Variants in CMIP observed in about 807,000 individuals in gnomAD.
The protein encoded by CMIP is c-Maf inducing protein.
In CMIP, 13 loss-of-function variants were observed where a neutral mutation model predicts 97.3. The ratio of observed to expected loss-of-function variants is 0.13; its 90% CI spans 0.09 to 0.21. CMIP has a LOEUF of 0.21. Ranked by LOEUF, CMIP falls within the 10% of genes least tolerant of loss-of-function variation. The pLI, the probability that CMIP is intolerant of heterozygous loss-of-function variation, is 1.00. For synonymous variants in CMIP, 538 were observed against 436.3 expected (o/e 1.23, Z -2.91); for missense variants, 847 against 1,024.9 (o/e 0.83, Z 2.37).
intron 19 of CMIP, among the ~76,000 whole-genome samples, chr16:81,706,304 C>T (rs1266205657): frequency 6.6e-6 from 1 of 152,132 alleles, no homozygotes; most frequent in Non-Finnish European, 1.5e-5. Flanking sequence ...GGTGTGAAGA[C>T]AGATTTGTGG....
chr16:81,702,162 CAGA>C (rs1380681758), intron 16 of CMIP, among the ~76,000 whole-genome samples: 1 of 152,166 alleles, frequency 6.6e-6, no homozygotes, highest in Non-Finnish European at 1.5e-5. Context: ...CATGTGTACA[CAGA>C]AGGACGGAAG....
chr16:81,573,825 C>T (rs748987176), intron 1 of CMIP, among the ~76,000 whole-genome samples: 1 of 152,194 alleles, frequency 6.6e-6, no homozygotes, highest in Non-Finnish European at 1.5e-5. Context: ...GTGCTTAACG[C>T]ATGCGTGGCC....
intron 1 of CMIP, among the ~76,000 whole-genome samples, chr16:81,602,462 G>T (rs1191771739): frequency 6.6e-6 from 1 of 152,220 alleles, no homozygotes; most frequent in African/African-American, 2.4e-5. Flanking sequence ...TTTACATACA[G>T]TAAGAGTCAC....
At chr16:81,603,272 G>C (rs543381515) in intron 1 of CMIP, 1 of 390,414 alleles carries the variant, frequency 2.6e-6, no homozygotes, top group East Asian at 7.2e-5. Flanking sequence ...TAGTAGAGAC[G>C]GGGTTTCACC....
chr16:81,454,528 A>G (rs932381094), intron 1 of CMIP, among the ~76,000 whole-genome samples: 1 of 152,238 alleles, frequency 6.6e-6, no homozygotes, highest in Non-Finnish European at 1.5e-5. Flanking sequence ...AGTTAAGGGA[A>G]CCGATGTGGG....
chr16:81,638,981 G>A (rs553559569), intron 3 of CMIP, among the ~76,000 whole-genome samples: 2 of 152,146 alleles, frequency 1.3e-5, no homozygotes, highest in African/African-American at 2.4e-5. Flanking sequence ...AACAGCCCCC[G>A]CCGGGATTAG....
chr16:81,523,115 T>G (rs1434521725), intron 1 of CMIP, among the ~76,000 whole-genome samples: 2 of 152,142 alleles, frequency 1.3e-5, no homozygotes, highest in African/African-American at 4.8e-5. Flanking sequence ...AGACAGGACT[T>G]CGCTATGTTG....
At chr16:81,452,516 C>G (rs922937505) in intron 1 of CMIP, among the ~76,000 whole-genome samples, 1 of 152,110 alleles carries the variant, frequency 6.6e-6, no homozygotes, top group South Asian at 2.1e-4. Context: ...AATCCGATGA[C>G]AGGGATCGTG....
chr16:81,610,561 T>G, intron 2 of CMIP: 1 of 984,122 alleles, frequency 1.0e-6, no homozygotes, highest in Non-Finnish European at 1.2e-6. Context: ...CCCCTGCCCC[T>G]GGCGGCTGTG....
chr16:81,639,256 A>G (rs986563849), intron 3 of CMIP, among the ~76,000 whole-genome samples: 3 of 152,210 alleles, frequency 2.0e-5, no homozygotes, highest in Non-Finnish European at 2.9e-5. Context: ...GATCTTAAAT[A>G]TTCTCTTGTT....
At chr16:81,458,900 T>A (rs1243751396) in intron 1 of CMIP, among the ~76,000 whole-genome samples, 2 of 152,042 alleles carry the variant, frequency 1.3e-5, no homozygotes, top group East Asian at 1.9e-4. Flanking sequence ...CTTAGTAGAG[T>A]GTGGACACGT....
intron 14 of CMIP, 153 bp downstream of exon 14, chr16:81,696,820 G>T (rs946754182): frequency 2.9e-5 from 20 of 683,790 alleles, no homozygotes; most frequent in Middle Eastern, 6.9e-4. Context: ...GGTGGTGGTG[G>T]TGATGGTGAC....
rs2092471246 is a variant in CMIP at position 81,655,414 on chromosome 16, G to A, written c.640-2361G>A. On this transcript the variant is annotated intron_variant, in intron 4 of 20. Coordinates refer to ENST00000537098, the MANE Select transcript of CMIP (RefSeq NM_198390.3). This position sits in a 1 kb window ranked among gnomAD's most constrained non-coding sequence, Gnocchi z 4.9. ...ACTGTCCGTCCACCAGCAAAGCAAA[G>A]CTGGCTGTCCCCACCCTCCCAGGCC... Among the ~76,000 whole-genome samples the A allele has an allele frequency of 6.6e-6, 1 of 152,330 alleles. No individual in the cohort carries two copies. The highest frequency in any genetic ancestry group is 2.1e-4 in the South Asian group (1 of 4,826).
intron 3 of CMIP, chr16:81,630,831 G>C (rs1371150243): frequency 6.6e-6 from 1 of 152,342 alleles, no homozygotes; most frequent in Non-Finnish European, 1.5e-5. Flanking sequence ...TGTGAAAGGA[G>C]GGGCTTTCCC....
At chr16:81,495,725 T>G (rs555794430) in intron 1 of CMIP, among the ~76,000 whole-genome samples, 68 of 152,260 alleles carry the variant, frequency 4.5e-4, no homozygotes, top group African/African-American at 1.5e-3. Context: ...CTTGAGACAT[T>G]GTGAGAGCTG....
intron 1 of CMIP, chr16:81,518,628 C>T (rs924071347): frequency 2.0e-5 from 3 of 152,254 alleles, no homozygotes; most frequent in East Asian, 1.9e-4. Context: ...AGCATCCTAC[C>T]GTTCCCACTA....
At position 81,621,728 on chromosome 16, in the gene CMIP, C is replaced by G. The variant is rs1179077268; in HGVS notation, c.477+802C>G. The G allele has an allele frequency of 6.5e-6, 1 of 152,698 alleles. No individual in the cohort carries two copies. The highest frequency in any genetic ancestry group is 1.5e-5 in the Non-Finnish European group (1 of 68,080). The allele number at this position is 152,698 out of a possible 1,614,324, so 9.5% of individuals were successfully genotyped here. A position where few individuals can be genotyped will look rare whatever the true frequency, so the allele number is the denominator to read the frequency against. On this transcript the variant is annotated intron_variant, in intron 3 of 20. Coordinates refer to ENST00000537098, the MANE Select transcript of CMIP (RefSeq NM_198390.3). This position sits in a 1 kb window ranked among gnomAD's most constrained non-coding sequence, Gnocchi z 4.1. ...ATCCTTACAGTAAGCTGGGGAGCCA[C>G]AGGGGATGAACAGCTGGCCCCATGC...
chr16:81,495,489 G>A (rs1383532893), intron 1 of CMIP: 4 of 1,613,034 alleles, frequency 2.5e-6, no homozygotes, highest in Non-Finnish European at 3.4e-6. Context: ...GGGACAGGCT[G>A]CTGAGGTACA....
intron 1 of CMIP, among the ~76,000 whole-genome samples, chr16:81,452,798 A>G (rs1190651688): frequency 6.6e-6 from 1 of 150,776 alleles, no homozygotes; most frequent in Non-Finnish European, 1.5e-5. Flanking sequence ...GTGCGAGGTG[A>G]TGGACACACA....
Sources: allele counts gnomAD v4.1 joint callset (sites outside exome capture counted in the v4.1 genomes callset), GRCh38; gene constraint gnomAD v4.1.1; non-coding constraint Gnocchi (gnomAD v3.1); transcripts MANE v1.5; gene names NCBI Gene and HGNC (gene_info 2026-07-23, HGNC 2026-07-21).